The following PPARGC1B variants were observed in gnomAD, a reference collection of about 807,000 sequenced individuals.
PPARGC1B encodes peroxisome proliferator-activated receptor gamma coactivator 1-beta.
Under a neutral mutation model 101.6 loss-of-function variants are expected in PPARGC1B, and 34 were observed. The ratio of observed to expected loss-of-function variants is 0.33; its 90% CI spans 0.25 to 0.45. The LOEUF (loss-of-function observed/expected upper bound fraction) is 0.45, where lower values mean the gene tolerates loss of function less well. PPARGC1B is among the 20% of genes least tolerant of loss of function. The pLI is 1.00. For missense variants in PPARGC1B, 1,234 were observed against 1,317.6 expected, an observed-to-expected ratio of 0.94 and a Z score of 0.98; for synonymous variants, 548 against 539.3, an observed-to-expected ratio of 1.02 and a Z score of -0.22.
rs1367923519 is a variant in PPARGC1B at position 149,842,472 on chromosome 5, A to G, written c.2816+95A>G. 3.9e-6 allele frequency: 6 copies of G among 1,532,450 alleles called. No individual in the cohort carries two copies. The East Asian group carries it at 1.4e-4, about 35-fold the overall frequency. 94.9% of individuals were successfully genotyped at this position (1,532,450 alleles called of 1,614,324 possible). A position where few individuals can be genotyped will look rare whatever the true frequency, so the allele number is the denominator to read the frequency against. On this transcript the variant is annotated intron_variant, in intron 10 of 11. Transcript: ENST00000309241. Reference sequence around the variant, plus strand: ...ACCAGAAGATGCCCAAGATTTGTGAAATGAATCTGACAAAATCCATAGCCT... The same window carrying G: ...ACCAGAAGATGCCCAAGATTTGTGAGATGAATCTGACAAAATCCATAGCCT...
In PPARGC1B at chr5:149,836,406, G is replaced by A; in HGVS notation, c.1951G>A (p.Ala651Thr). The A allele has an allele frequency of 6.2e-7, 1 of 1,614,108 alleles. No homozygotes were observed. The part of the protein sequence containing the change: ...GLSLKATPGA[A>T]HKLPKKHPER... Reference sequence around the variant, plus strand: ...CTCACTCAAGGCCACCCCAGGGGCTGCCCACAAGCTGCCAAAGAAGCACCC... The same window carrying A: ...CTCACTCAAGGCCACCCCAGGGGCTACCCACAAGCTGCCAAAGAAGCACCC... Residue 651 changes from alanine (A) to threonine (T), a missense_variant, in exon 8 of 12, where the codon GCC becomes ACC. Ala to Thr is a moderately conservative substitution (Grantham distance 58). This residue lies in a region of PPARGC1B where 497 missense variants were observed against 529.5 expected (regional missense o/e 0.94). Coordinates refer to ENST00000309241, the MANE Select transcript of PPARGC1B (RefSeq NM_133263.4).
At chr5:149,746,596 A>G (rs901775023) in intron 1 of PPARGC1B, among the ~76,000 whole-genome samples, 3 of 152,242 alleles carry the variant, frequency 2.0e-5, no homozygotes, top group Middle Eastern at 3.4e-3. Context: ...CCTGACTTCA[A>G]CCCATTTGGG....
At chr5:149,771,700 G>A (rs559189534) in intron 1 of PPARGC1B, among the ~76,000 whole-genome samples, 2 of 152,340 alleles carry the variant, frequency 1.3e-5, no homozygotes, top group South Asian at 4.1e-4. Flanking sequence ...AGAGCAAGCC[G>A]TATTCCTTTT....
chr5:149,774,468 G>A (rs1299331793), intron 1 of PPARGC1B, among the ~76,000 whole-genome samples: 4 of 152,106 alleles, frequency 2.6e-5, no homozygotes, highest in East Asian at 1.9e-4. Context: ...AGAGGTCTGC[G>A]GCGCTGGTAA....
intron 1 of PPARGC1B, among the ~76,000 whole-genome samples, chr5:149,814,972 C>T (rs1474123177): frequency 6.6e-6 from 1 of 152,248 alleles, no homozygotes; most frequent in African/African-American, 2.4e-5. Context: ...TGCTCAGCCA[C>T]AAACTTGCTG....
At chr5:149,810,551 G>A (rs1341349016) in intron 1 of PPARGC1B, among the ~76,000 whole-genome samples, 2 of 152,238 alleles carry the variant, frequency 1.3e-5, no homozygotes, top group Non-Finnish European at 2.9e-5. Flanking sequence ...CAGTGGATAA[G>A]GGGCTGCTTG....
chr5:149,759,428 A>G (rs565204873), intron 1 of PPARGC1B, among the ~76,000 whole-genome samples: 1 of 152,284 alleles, frequency 6.6e-6, no homozygotes, highest in East Asian at 1.9e-4. Flanking sequence ...GTGAACAAGC[A>G]GAGGGGCCTA....
chr5:149,791,592 C>T (rs1757022497), intron 1 of PPARGC1B, among the ~76,000 whole-genome samples: 2 of 152,070 alleles, frequency 1.3e-5, no homozygotes, highest in Non-Finnish European at 2.9e-5. Context: ...ATCTTATGGT[C>T]TGGAGAGGCT....
At chr5:149,822,959 T>C (rs1758362959) in intron 2 of PPARGC1B, among the ~76,000 whole-genome samples, 1 of 152,214 alleles carries the variant, frequency 6.6e-6, no homozygotes, top group African/African-American at 2.4e-5. Context: ...CCAAGCTGTG[T>C]TAACAATTAA....
Position 149,842,181 on chromosome 5 carries a change from C to A in PPARGC1B, c.2695-75C>A, listed in dbSNP as rs540009146. 6 of 1,569,334 alleles carry A rather than the reference C, an allele frequency of 3.8e-6. No homozygotes were observed. The Admixed American group carries it at 8.6e-5, about 22-fold the overall frequency. Reference sequence around the variant, plus strand: ...ATCATGGACTAGGACAAGGACTCCACGGGAGCCCACTCCCAGAGGGGCCCC... The same window carrying A: ...ATCATGGACTAGGACAAGGACTCCAAGGGAGCCCACTCCCAGAGGGGCCCC... On this transcript the variant is annotated intron_variant, in intron 9 of 11. Transcript: ENST00000309241.
intron 2 of PPARGC1B, among the ~76,000 whole-genome samples, chr5:149,822,200 G>T (rs1308614177): frequency 6.6e-6 from 1 of 152,138 alleles, no homozygotes. Context: ...AAGGGGTTTG[G>T]ATGCTCCCTG....
At position 149,739,487 on chromosome 5, in the gene PPARGC1B, G is replaced by A. The variant is rs1036290850; in HGVS notation, c.78+9067G>A. 1.7e-4 allele frequency among the ~76,000 whole-genome samples: 26 copies of A among 152,176 alleles called. No homozygotes were observed. The East Asian group carries it at 4.0e-3, about 24-fold the overall frequency. On this transcript the variant is annotated intron_variant, in intron 1 of 11. Transcript: ENST00000309241. ...CTCTCCTTCCAGGCTTGGGGCAGGG[G>A]GCCCTTGGAGATACAGGTACACCTT...
chr5:149,796,173 C>T (rs775844231), intron 1 of PPARGC1B, among the ~76,000 whole-genome samples: 37 of 152,018 alleles, frequency 2.4e-4, no homozygotes, highest in Admixed American at 2.2e-3. Flanking sequence ...GAGAGTGTGA[C>T]GGAGTAGGGA....
At chr5:149,779,544 A>G (rs56160216) in intron 1 of PPARGC1B, among the ~76,000 whole-genome samples, 17,303 of 152,234 alleles carry the variant, frequency 0.11, 1,312 homozygotes, top group Admixed American at 0.23. Context: ...GCATCCCTGG[A>G]GCTCTCTAGA....
At chr5:149,787,830 T>C (rs529949431) in intron 1 of PPARGC1B, among the ~76,000 whole-genome samples, 6 of 152,342 alleles carry the variant, frequency 3.9e-5, no homozygotes, top group South Asian at 4.1e-4. Flanking sequence ...GTCTGTACAA[T>C]GGAAGGGTTA....
chr5:149,756,765 C>A (rs1222326942), intron 1 of PPARGC1B, among the ~76,000 whole-genome samples: 1 of 152,126 alleles, frequency 6.6e-6, no homozygotes, highest in Non-Finnish European at 1.5e-5. Flanking sequence ...TCCCTCGTCC[C>A]CCAACAAGGG....
In PPARGC1B at chr5:149,832,430, C is replaced by T. The variant is rs1293275853; in HGVS notation, c.583-226C>T. ...GGAAGGGTCTGCAGGGGCGAAATTC[C>T]ATGGCTGGGAGAGCTGTTAGGAGGC... On this transcript the variant is annotated intron_variant, in intron 4 of 11. Coordinates refer to ENST00000309241, the MANE Select transcript of PPARGC1B (RefSeq NM_133263.4). This position sits in a 1 kb window ranked among gnomAD's most constrained non-coding sequence, Gnocchi z 4.9. Among the ~76,000 whole-genome samples, 2 of 152,106 alleles carry T rather than the reference C, an allele frequency of 1.3e-5. No homozygotes were observed. Among genetic ancestry groups the T allele is most frequent in the African/African-American group, 2.4e-5 (1 of 41,402 alleles).
At chr5:149,788,236 TCAAA>T (rs1273771945) in intron 1 of PPARGC1B, among the ~76,000 whole-genome samples, 2 of 152,054 alleles carry the variant, frequency 1.3e-5, no homozygotes, top group African/African-American at 4.8e-5. Context: ...CAATAAAAAA[TCAAA>T]CAACCCCATC....
intron 1 of PPARGC1B, among the ~76,000 whole-genome samples, chr5:149,750,450 TAA>T (rs1491388424): frequency 3.8e-4 from 31 of 82,098 alleles, no homozygotes; most frequent in African/African-American, 1.6e-3. Flanking sequence ...CTGTTTTAGT[TAA>T]AATATATATA....
Sources: gnomAD v4.1 joint callset for allele counts (sites outside exome capture counted in the v4.1 genomes callset) on GRCh38, gnomAD v4.1.1 for gene constraint, gnomAD v4.1.1 regional missense constraint, Gnocchi (gnomAD v3.1) non-coding constraint, MANE v1.5 for transcripts, NCBI Gene and HGNC (gene_info 2026-07-23, HGNC 2026-07-21) for gene names.